The following LIPA variants were observed in gnomAD, a reference collection of about 807,000 sequenced individuals.
The protein encoded by LIPA is lysosomal acid lipase/cholesteryl ester hydrolase.
Under a neutral mutation model 40.6 loss-of-function variants are expected in LIPA, and 26 were observed. The ratio of observed to expected loss-of-function variants is 0.64; its 90% CI spans 0.47 to 0.89. The LOEUF (loss-of-function observed/expected upper bound fraction) is 0.89. Among genes scored for constraint, LIPA ranks in the 40% least tolerant of loss-of-function variants. LIPA has a pLI of 0.00. For synonymous variants in LIPA, 188 were observed against 168.4 expected (o/e 1.12, Z -0.90); for missense variants, 455 against 479.6 (o/e 0.95, Z 0.48).
At chr10:89,367,971 A>T (rs1344360944) in intron 2 of LIPA, among the ~76,000 whole-genome samples, 1 of 152,100 alleles carries the variant, frequency 6.6e-6, no homozygotes, top group Non-Finnish European at 1.5e-5. Flanking sequence ...GGTGTGCACC[A>T]CTATGCCTGG....
intron 1 of LIPA, among the ~76,000 whole-genome samples, chr10:89,322,365 A>G (rs1323466446): frequency 6.6e-6 from 1 of 152,162 alleles, no homozygotes; most frequent in Non-Finnish European, 1.5e-5. Flanking sequence ...GGGATTCGGG[A>G]TCCTTCAAGA....
At chr10:89,354,854 C>A (rs1442051008) in intron 2 of LIPA, among the ~76,000 whole-genome samples, 1 of 152,168 alleles carries the variant, frequency 6.6e-6, no homozygotes, top group Non-Finnish European at 1.5e-5. Flanking sequence ...GTGTGCACCA[C>A]CATGCCCGGT....
At chr10:89,390,445 G>T (rs1489613876) in intron 2 of LIPA, among the ~76,000 whole-genome samples, 1 of 152,190 alleles carries the variant, frequency 6.6e-6, no homozygotes, top group Non-Finnish European at 1.5e-5. Context: ...TGACTTCTCA[G>T]CTGAGGAAAT....
At chr10:89,296,898 T>C (rs1321360806) in intron 1 of LIPA, among the ~76,000 whole-genome samples, 3 of 152,216 alleles carry the variant, frequency 2.0e-5, no homozygotes, top group Non-Finnish European at 4.4e-5. Flanking sequence ...TGGCTGTACA[T>C]TGTGATTTGG....
upstream of LIPA, among the ~76,000 whole-genome samples, chr10:89,344,617 A>G (rs1020941349): frequency 6.6e-6 from 1 of 152,118 alleles, no homozygotes; most frequent in Non-Finnish European, 1.5e-5. Flanking sequence ...GGCAAGAAAA[A>G]AAAAAAAAAA....
At chr10:89,253,438 T>C (rs1429760500), upstream of LIPA, among the ~76,000 whole-genome samples, 1 of 152,212 alleles carries the variant, frequency 6.6e-6, no homozygotes, top group African/African-American at 2.4e-5. Context: ...GAGACTTATT[T>C]ACCACCACAA....
intron 2 of LIPA, among the ~76,000 whole-genome samples, chr10:89,368,335 C>T (rs544754257): frequency 6.6e-6 from 1 of 152,352 alleles, no homozygotes; most frequent in South Asian, 2.1e-4. Context: ...CCTCACAAGC[C>T]TTTGGCTACA....
intron 5 of LIPA, among the ~76,000 whole-genome samples, chr10:89,225,972 TTA>T (rs1258259681): frequency 6.6e-6 from 1 of 152,188 alleles, no homozygotes; most frequent in East Asian, 1.9e-4. Flanking sequence ...TCACAATCCA[TTA>T]AACTGTGAGT....
At chr10:89,257,664 G>C (rs949848094) in intron 1 of LIPA, among the ~76,000 whole-genome samples, 1 of 152,176 alleles carries the variant, frequency 6.6e-6, no homozygotes, top group African/African-American at 2.4e-5. Flanking sequence ...AGATTTTCCA[G>C]GCTGTAGTTT....
intron 8 of LIPA, among the ~76,000 whole-genome samples, chr10:89,217,712 T>C (rs1349007625): frequency 1.3e-5 from 2 of 152,210 alleles, no homozygotes; most frequent in Non-Finnish European, 2.9e-5. Context: ...AAAGCCCAAT[T>C]TTAATAAGTA....
chr10:89,231,419 A>G (rs186412364), intron 3 of LIPA, among the ~76,000 whole-genome samples: 2 of 151,574 alleles, frequency 1.3e-5, no homozygotes, highest in Non-Finnish European at 2.9e-5. Flanking sequence ...GGGGTGCTAT[A>G]CCCTCGTGTT....
intron 1 of LIPA, among the ~76,000 whole-genome samples, chr10:89,336,557 T>C (rs1272828181): frequency 6.6e-6 from 1 of 152,234 alleles, no homozygotes; most frequent in East Asian, 1.9e-4. Context: ...TGCTCGTCCA[T>C]GGTAAATTGC....
chr10:89,334,059 G>T (rs1843691600), intron 1 of LIPA, among the ~76,000 whole-genome samples: 1 of 152,124 alleles, frequency 6.6e-6, no homozygotes, highest in African/African-American at 2.4e-5. Flanking sequence ...CACATGCTGG[G>T]GACAAGCTGC....
intron 2 of LIPA, among the ~76,000 whole-genome samples, chr10:89,351,043 C>T (rs1008346494): frequency 1.3e-5 from 2 of 152,190 alleles, no homozygotes; most frequent in African/African-American, 4.8e-5. Flanking sequence ...GAGCCAGGCG[C>T]AGTGGCTCAC....
At position 89,318,581 on chromosome 10, in the gene LIPA, C is replaced by T. The variant is rs149516831; in HGVS notation, c.-2+24030G>A. On this transcript the variant is annotated intron_variant, in intron 1 of 5. Transcript: ENST00000282673. ...CATAAAGCAAGTCCTTAGAGACCTA[C>T]AAAAAGATGTAGACTCCCAAACAAT... Among the ~76,000 whole-genome samples the T allele has an allele frequency of 1.7e-3, 265 of 152,300 alleles. 3 individuals are homozygous for T. The highest frequency in any genetic ancestry group is 5.9e-3 in the African/African-American group (245 of 41,558).
intron 2 of LIPA, among the ~76,000 whole-genome samples, chr10:89,387,654 G>C (rs908759216): frequency 1.3e-5 from 2 of 152,254 alleles, no homozygotes; most frequent in Non-Finnish European, 2.9e-5. Context: ...TCAATATTTT[G>C]CCTAATTATA....
At chr10:89,297,905 G>A (rs1196442851) in intron 1 of LIPA, among the ~76,000 whole-genome samples, 2 of 152,192 alleles carry the variant, frequency 1.3e-5, no homozygotes, top group Non-Finnish European at 2.9e-5. Context: ...CCCACTGGAC[G>A]CATGGCCTCT....
intron 2 of LIPA, among the ~76,000 whole-genome samples, chr10:89,373,727 G>C (rs1338894162): frequency 6.6e-6 from 1 of 152,200 alleles, no homozygotes; most frequent in Non-Finnish European, 1.5e-5. Flanking sequence ...ACCTGAAAGG[G>C]ATCCAGGGAT....
intron 1 of LIPA, among the ~76,000 whole-genome samples, chr10:89,304,913 G>A (rs1554874241): frequency 6.6e-6 from 1 of 152,070 alleles, no homozygotes; most frequent in Non-Finnish European, 1.5e-5. Flanking sequence ...AAAGGAGCTA[G>A]TGGCCTTGTG....
Sources: allele counts gnomAD v4.1 joint callset (sites outside exome capture counted in the v4.1 genomes callset), GRCh38; gene constraint gnomAD v4.1.1; transcripts MANE v1.5; gene names NCBI Gene and HGNC (gene_info 2026-07-23, HGNC 2026-07-21).